Variants in GAPVD1 observed in about 807,000 individuals in gnomAD.
GAPVD1 encodes the protein GTPase activating protein and VPS9 domains 1.
GAPVD1 carries 35 observed loss-of-function variants against 155.5 expected under a neutral mutation model. The ratio of observed to expected loss-of-function variants is 0.23; its 90% CI spans 0.17 to 0.30. The LOEUF is 0.30. Among genes scored for constraint, GAPVD1 ranks in the 10% least tolerant of loss-of-function variants. The probability of loss-of-function intolerance (pLI) is 1.00; values close to 1 mark genes in which losing one functional copy is unlikely to be tolerated. For missense variants in GAPVD1, 1,429 were observed against 1,775.7 expected (o/e 0.80, Z 3.51); for synonymous variants, 636 against 619.7 (o/e 1.03, Z -0.39).
At chr9:125,280,818 G>A (rs556234274) in intron 2 of GAPVD1, among the ~76,000 whole-genome samples, 7 of 151,714 alleles carry the variant, frequency 4.6e-5, no homozygotes, top group African/African-American at 1.5e-4. Context: ...CTTGTGATCC[G>A]CCTGTCTCGG....
intron 11 of GAPVD1, among the ~76,000 whole-genome samples, chr9:125,326,024 T>G (rs543584687): frequency 6.6e-6 from 1 of 152,318 alleles, no homozygotes; most frequent in East Asian, 1.9e-4. Context: ...TAGTCACTGC[T>G]TATCAGATGA....
chr9:125,329,661 C>T (rs1489285302), intron 12 of GAPVD1, among the ~76,000 whole-genome samples: 2 of 148,620 alleles, frequency 1.3e-5, no homozygotes, highest in African/African-American at 5.0e-5. Flanking sequence ...GAGACAAAGT[C>T]CCAAAATGAC....
chr9:125,326,736 T>C (rs982318518), intron 12 of GAPVD1, 147 bp downstream of exon 12: 7 of 522,580 alleles, frequency 1.3e-5, no homozygotes, highest in Non-Finnish European at 2.3e-5. Flanking sequence ...GAACAAGGCA[T>C]TTGGGTACTT....
intron 19 of GAPVD1, among the ~76,000 whole-genome samples, chr9:125,342,887 A>G (rs987514988): frequency 1.3e-5 from 2 of 152,214 alleles, no homozygotes; most frequent in African/African-American, 4.8e-5. Flanking sequence ...TAACATTGCC[A>G]TCTGACCCAA....
At chr9:125,270,267 A>G (rs1380084037) in intron 2 of GAPVD1, among the ~76,000 whole-genome samples, 6 of 151,734 alleles carry the variant, frequency 4.0e-5, no homozygotes, top group African/African-American at 1.4e-4. Flanking sequence ...CGTCTCTACT[A>G]AAAATACAAA....
chr9:125,323,075 A>G (rs1844607387), intron 10 of GAPVD1, among the ~76,000 whole-genome samples: 1 of 151,464 alleles, frequency 6.6e-6, no homozygotes, highest in Non-Finnish European at 1.5e-5. Context: ...AAAAAGAAGA[A>G]AAAGCTCTAT....
At chr9:125,361,414 C>G (rs1382195879) in intron 27 of GAPVD1, among the ~76,000 whole-genome samples, 1 of 151,828 alleles carries the variant, frequency 6.6e-6, no homozygotes, top group Admixed American at 6.6e-5. Context: ...ATCGCAGCTA[C>G]TTGGAAGGTT....
At chr9:125,319,895 G>GGTTTAAAT in intron 9 of GAPVD1, among the ~76,000 whole-genome samples, 1 of 152,034 alleles carries the variant, frequency 6.6e-6, no homozygotes, top group Non-Finnish European at 1.5e-5. Context: ...ACCGCTCCCA[G>GGTTTAAAT]CCAAAAAACC....
chr9:125,304,993 C>A, intron 5 of GAPVD1, 70 bp from the exon 6 acceptor site: 1 of 984,818 alleles, frequency 1.0e-6, no homozygotes, highest in Non-Finnish European at 1.6e-6. Context: ...GACGTGCTTG[C>A]TTTCATAGAG....
At chr9:125,353,556 C>G (rs1358042663) in intron 23 of GAPVD1, among the ~76,000 whole-genome samples, 3 of 152,146 alleles carry the variant, frequency 2.0e-5, no homozygotes, top group African/African-American at 7.2e-5. Flanking sequence ...TGTTATTATG[C>G]TGCTGATAAA....
chr9:125,272,035 T>C (rs866614328), intron 2 of GAPVD1, among the ~76,000 whole-genome samples: 1 of 152,142 alleles, frequency 6.6e-6, no homozygotes, highest in Admixed American at 6.6e-5. Flanking sequence ...ATTAATTCTT[T>C]TTTTTTGAGA....
intron 13 of GAPVD1, among the ~76,000 whole-genome samples, chr9:125,331,181 G>A (rs142402554): frequency 3.3e-5 from 5 of 150,250 alleles, no homozygotes; most frequent in African/African-American, 1.2e-4. Context: ...GAATTATTAA[G>A]TGATCCTGAT....
intron 2 of GAPVD1, among the ~76,000 whole-genome samples, chr9:125,290,252 T>G (rs570801011): frequency 5.7e-4 from 87 of 152,204 alleles, no homozygotes; most frequent in African/African-American, 2.1e-3. Flanking sequence ...GATTTCTTTT[T>G]GTATAAGATG....
chr9:125,292,125 T>C (rs1838704907), intron 2 of GAPVD1, among the ~76,000 whole-genome samples: 1 of 152,046 alleles, frequency 6.6e-6, no homozygotes, highest in East Asian at 1.9e-4. Context: ...TAACTACAGC[T>C]ACTCGGGAGG....
At chr9:125,264,880 G>C (rs773081331) in intron 1 of GAPVD1, among the ~76,000 whole-genome samples, 6 of 151,792 alleles carry the variant, frequency 4.0e-5, no homozygotes, top group Middle Eastern at 3.4e-3. Context: ...ACCATGCCTG[G>C]CTAATTTTTG....
chr9:125,354,607 T>C, intron 23 of GAPVD1, 47 bp from the exon 24 acceptor site: 1 of 1,224,768 alleles, frequency 8.2e-7, no homozygotes, highest in Non-Finnish European at 1.2e-6. Flanking sequence ...TCAAAGAGAG[T>C]ATGCACTGAA....
chr9:125,346,849 C>T lies in GAPVD1; in HGVS notation c.3077C>T (p.Ala1026Val), dbSNP rs866181673. The T allele has an allele frequency of 1.6e-5, 26 of 1,614,040 alleles. No homozygotes were observed. In the African/African-American group the frequency reaches 2.3e-4, roughly 14 times the overall value. Reference protein sequence around the residue: ...DDPSPRLSAQAQVAEDILDKY... With the variant: ...DDPSPRLSAQVQVAEDILDKY... ...CCCAGCCCTAGACTCAGTGCACAAG[C>T]TCAGGTGGCTGAGGATATTCTGGAC... is the stretch of plus-strand genomic sequence containing the variant. The change falls in exon 20 of 28, where the codon GCT becomes GTT. Residue 1026 changes from alanine to valine, a missense_variant. Around this residue, in one of 4 missense-constraint regions of GAPVD1, gnomAD observed 699 missense variants for 826.0 expected, o/e 0.85. Coordinates refer to ENST00000297933, the MANE Select transcript of GAPVD1 (RefSeq NM_001282680.3).
At chr9:125,337,827 G>C (rs867235852) in intron 17 of GAPVD1, among the ~76,000 whole-genome samples, 1 of 152,076 alleles carries the variant, frequency 6.6e-6, no homozygotes, top group Non-Finnish European at 1.5e-5. Context: ...AAGCAATTTT[G>C]TATCTGATTT....
chr9:125,318,327 TC>T (rs1378834064), intron 9 of GAPVD1, among the ~76,000 whole-genome samples: 5 of 152,224 alleles, frequency 3.3e-5, no homozygotes, highest in African/African-American at 1.2e-4. Context: ...TTTAGTTTAA[TC>T]CAGAGTTTGC....
Sources: allele counts gnomAD v4.1 joint callset (sites outside exome capture counted in the v4.1 genomes callset), GRCh38; gene constraint gnomAD v4.1.1; regional missense constraint gnomAD v4.1.1; transcripts MANE v1.5; gene names NCBI Gene and HGNC (gene_info 2026-07-23, HGNC 2026-07-21).